ODAD2: variants seen among roughly 807,000 people sequenced by gnomAD.
ODAD2 encodes the protein outer dynein arm docking complex subunit 2.
A neutral mutation model predicts 106.8 loss-of-function variants in ODAD2; 89 were observed. The ratio of observed to expected loss-of-function variants is 0.83; its 90% CI spans 0.70 to 0.99. ODAD2 has a LOEUF of 0.99. ODAD2 is among the 50% of genes least tolerant of loss of function. The pLI, the probability that ODAD2 is intolerant of heterozygous loss-of-function variation, is 0.00. For missense variants in ODAD2, 1,168 were observed against 1,238.5 expected (o/e 0.94, Z 0.85); for synonymous variants, 404 against 436.2 (o/e 0.93, Z 0.92).
intron 17 of ODAD2, among the ~76,000 whole-genome samples, chr10:27,871,137 G>T (rs1241815040): frequency 6.6e-6 from 1 of 152,150 alleles, no homozygotes. Context: ...GTGTCTATTG[G>T]CTACATAAAT....
rs776880220 is a variant in ODAD2, at chr10:27,853,392, A to G, written c.3021+7233T>C. On this transcript the variant is annotated intron_variant, in intron 19 of 19. Coordinates refer to ENST00000305242, the MANE Select transcript of ODAD2 (RefSeq NM_018076.5). Reference sequence around the variant, plus strand: ...TAAATAAATAAATAAATAAATAAATAAAAGTAAGCCCTAACTATATGCTGC... The same window carrying G: ...TAAATAAATAAATAAATAAATAAATGAAAGTAAGCCCTAACTATATGCTGC... The G allele has an allele frequency of 6.8e-5, 19 of 280,290 alleles. 1 individual carries two copies. Among genetic ancestry groups the G allele is most frequent in the South Asian group, 6.7e-4 (19 of 28,338 alleles). The allele number at this position is 280,290 out of a possible 1,614,324, so 17.4% of individuals were successfully genotyped here.
intron 19 of ODAD2, among the ~76,000 whole-genome samples, chr10:27,852,853 C>T (rs1839366930): frequency 6.6e-6 from 1 of 150,812 alleles, no homozygotes; most frequent in African/African-American, 2.4e-5. Context: ...CTCAGCTACT[C>T]AGGAGGCTGA....
chr10:27,884,196 T>C (rs1264802950), intron 17 of ODAD2, among the ~76,000 whole-genome samples: 1 of 152,042 alleles, frequency 6.6e-6, no homozygotes, highest in Non-Finnish European at 1.5e-5. Flanking sequence ...CAAGGGAACC[T>C]CATTAAGCTC....
At chr10:27,924,023 A>G (rs558078317) in intron 16 of ODAD2, among the ~76,000 whole-genome samples, 25 of 129,282 alleles carry the variant, frequency 1.9e-4, no homozygotes, top group African/African-American at 7.3e-4. Flanking sequence ...AGAAAGAAAG[A>G]AGGAAAGAGA....
intron 17 of ODAD2, among the ~76,000 whole-genome samples, chr10:27,907,295 A>T (rs1255309210): frequency 1.3e-5 from 2 of 152,158 alleles, no homozygotes; most frequent in Non-Finnish European, 2.9e-5. Context: ...CAATAGAAGC[A>T]GTCATGTCTC....
chr10:27,913,158 T>C (rs1051255552), intron 16 of ODAD2, among the ~76,000 whole-genome samples: 1 of 152,068 alleles, frequency 6.6e-6, no homozygotes. Context: ...GTTTTGGGGG[T>C]ACATGTGCAG....
At chr10:27,895,346 T>C (rs1842795000) in intron 17 of ODAD2, among the ~76,000 whole-genome samples, 1 of 152,218 alleles carries the variant, frequency 6.6e-6, no homozygotes, top group African/African-American at 2.4e-5. Flanking sequence ...TGTCACCCAG[T>C]GCACTGGAGC....
chr10:27,847,767 T>C (rs1213224328), intron 19 of ODAD2, among the ~76,000 whole-genome samples: 10 of 152,174 alleles, frequency 6.6e-5, no homozygotes, highest in Admixed American at 6.5e-5. Flanking sequence ...AGCATTCTTA[T>C]ACACCAATAA....
intron 16 of ODAD2, among the ~76,000 whole-genome samples, chr10:27,918,143 A>G (rs1844524805): frequency 6.6e-6 from 1 of 151,964 alleles, no homozygotes; most frequent in African/African-American, 2.4e-5. Flanking sequence ...TCAGAAAACA[A>G]AGAGAAAAAA....
chr10:27,961,338 T>C, intron 10 of ODAD2, among the ~76,000 whole-genome samples: 1 of 152,134 alleles, frequency 6.6e-6, no homozygotes, highest in Non-Finnish European at 1.5e-5. Context: ...CATGCCCACT[T>C]CCCAGCCGGG....
At chr10:27,829,109 G>GAA (rs201013122) in intron 19 of ODAD2, among the ~76,000 whole-genome samples, 4 of 149,652 alleles carry the variant, frequency 2.7e-5, no homozygotes, top group Admixed American at 1.3e-4. Flanking sequence ...AATTAAAAAG[G>GAA]AAAAAAAAAG....
intron 17 of ODAD2, among the ~76,000 whole-genome samples, chr10:27,873,265 G>A (rs1480494198): frequency 2.7e-4 from 36 of 131,640 alleles, no homozygotes; most frequent in African/African-American, 9.2e-4. Flanking sequence ...TATTAGTCTC[G>A]CTAGTGGTCT....
intron 19 of ODAD2, among the ~76,000 whole-genome samples, chr10:27,845,849 G>C (rs775097676): frequency 6.6e-6 from 1 of 152,102 alleles, no homozygotes; most frequent in Non-Finnish European, 1.5e-5. Context: ...ATGGTAAAGG[G>C]ATCAATTCAA....
At chr10:27,851,674 G>A (rs1839277746) in intron 19 of ODAD2, among the ~76,000 whole-genome samples, 1 of 152,126 alleles carries the variant, frequency 6.6e-6, no homozygotes, top group African/African-American at 2.4e-5. Flanking sequence ...GGAGCTGTGG[G>A]AAAACGTTTA....
chr10:27,988,987 A>G (rs1398589448), intron 2 of ODAD2, among the ~76,000 whole-genome samples: 1 of 152,122 alleles, frequency 6.6e-6, no homozygotes, highest in Non-Finnish European at 1.5e-5. Flanking sequence ...ATGCTGATGG[A>G]AGCAGCGGTC....
At chr10:27,842,956 T>G (rs1838418813) in intron 19 of ODAD2, among the ~76,000 whole-genome samples, 1 of 152,226 alleles carries the variant, frequency 6.6e-6, no homozygotes, top group Non-Finnish European at 1.5e-5. Flanking sequence ...CTATTTTTAA[T>G]AGACTCTTTT....
chr10:27,849,966 C>T (rs1839122008), intron 19 of ODAD2, among the ~76,000 whole-genome samples: 1 of 152,134 alleles, frequency 6.6e-6, no homozygotes, highest in South Asian at 2.1e-4. Context: ...AGTACCAGTC[C>T]CTGATCTCTG....
rs187974219 is a variant in ODAD2, at chr10:27,845,491, T to C, written c.3021+15134A>G. On this transcript the variant is annotated intron_variant, in intron 19 of 19. Transcript: ENST00000305242. ...CATGCCAAAATGTAAAGACCATCGA[T>C]GCTAGGAAGAAACTGCATCAACTAA... is the stretch of plus-strand genomic sequence containing the variant. Among the ~76,000 whole-genome samples the C allele has an allele frequency of 7.2e-5, 11 of 152,272 alleles. No homozygotes were observed. In the East Asian group the frequency reaches 1.7e-3, roughly 24 times the overall value.
intron 17 of ODAD2, among the ~76,000 whole-genome samples, chr10:27,885,751 A>ATTT (rs2133635110): frequency 1.7e-5 from 1 of 59,502 alleles, no homozygotes; most frequent in African/African-American, 6.8e-5. Context: ...GTTATATATA[A>ATTT]TATATATTTT....
Sources: gnomAD v4.1 joint callset for allele counts (sites outside exome capture counted in the v4.1 genomes callset) on GRCh38, gnomAD v4.1.1 for gene constraint, MANE v1.5 for transcripts, NCBI Gene and HGNC (gene_info 2026-07-23, HGNC 2026-07-21) for gene names.